STAT1: variants seen among roughly 807,000 people sequenced by gnomAD.
STAT1 encodes the protein signal transducer and activator of transcription 1-alpha/beta.
A neutral mutation model predicts 111.7 loss-of-function variants in STAT1; 24 were observed. That is an observed-to-expected ratio of 0.21 (90% CI 0.16 to 0.30). The LOEUF is 0.30. STAT1 is among the 10% of genes least tolerant of loss of function. The pLI, the probability that STAT1 is intolerant of heterozygous loss-of-function variation, is 1.00. For synonymous variants in STAT1, 332 were observed against 326.5 expected, an observed-to-expected ratio of 1.02 and a Z score of -0.18; for missense variants, 351 against 911.9, an observed-to-expected ratio of 0.38 and a Z score of 7.92.
At position 190,995,361 on chromosome 2, in the gene STAT1, GT is replaced by G; in HGVS notation, c.786-143del. The stretch of plus-strand genomic sequence containing the variant: ...ACTGGAGAATTTATAAAGGAAAGAG[GT>G]TTAATTGACACATAGTTCCACATGG... On this transcript the variant is annotated intron_variant, in intron 9 of 24. Coordinates refer to ENST00000361099, the MANE Select transcript of STAT1 (RefSeq NM_007315.4). This position sits in a 1 kb window ranked among gnomAD's most constrained non-coding sequence, Gnocchi z 4.2. 3.3e-6 allele frequency: 3 copies of G among 909,124 alleles called. No homozygotes were observed. Among genetic ancestry groups the G allele is most frequent in the Non-Finnish European group, 5.3e-6 (3 of 570,626 alleles). 56.3% of individuals were successfully genotyped at this position (909,124 alleles called of 1,614,324 possible). A position where few individuals can be genotyped will look rare whatever the true frequency, so the allele number is the denominator to read the frequency against.
At position 191,009,962 on chromosome 2, in the gene STAT1, G is replaced by A; in HGVS notation, c.42C>T (p.Phe14=). 2 of 1,613,968 alleles carry A rather than the reference G, an allele frequency of 1.2e-6. No individual in the cohort carries two copies. The highest frequency in any genetic ancestry group is 1.3e-5 in the African/African-American group (1 of 75,018). Residue 14 remains phenylalanine (F), a synonymous_variant, in exon 3 of 25, where the codon TTC becomes TTT. Transcript: ENST00000361099. ...CATAAAGCTGGTGAACCTGCTCCAG[G>A]AATTTTGAGTCAAGCTGCTGAAGTT... ...WYELQQLDSK[F]LEQVHQLYDD... is the part of the protein sequence containing the mutation.
rs1692445217 is a variant in STAT1 at position 190,982,203 on chromosome 2, A to G, written c.1582+180T>C. ...GATTCATTTAAATGTTATCAGGTCTATATTTCTTTCTAAGGTGACATATGA... is the reference window on the plus strand; with the variant it reads ...GATTCATTTAAATGTTATCAGGTCTGTATTTCTTTCTAAGGTGACATATGA... On this transcript the variant is annotated intron_variant, in intron 18 of 24. Coordinates refer to ENST00000361099, the MANE Select transcript of STAT1 (RefSeq NM_007315.4). The surrounding 1 kb of genome is among the most constrained non-coding windows in gnomAD (Gnocchi z 7.3). Among the ~76,000 whole-genome samples the G allele has an allele frequency of 6.6e-6, 1 of 152,260 alleles. No individual in the cohort carries two copies. The highest frequency in any genetic ancestry group is 6.5e-5 in the Admixed American group (1 of 15,288).
rs1204509101 is a variant in STAT1 at position 190,984,346 on chromosome 2, G to C, written c.1311C>G (p.Thr437=). ...TEELHSLSFE[T]QLCQPGLVID... Reference sequence around the variant, plus strand: ...TTACCAAACCAGGCTGGCACAATTGGGTTTCAAAACTAAGGGAGTGAAGCT... The same window carrying C: ...TTACCAAACCAGGCTGGCACAATTGCGTTTCAAAACTAAGGGAGTGAAGCT... The change falls in exon 16 of 25, where the codon ACC becomes ACG. Residue 437 remains threonine, a synonymous_variant. Coordinates refer to ENST00000361099, the MANE Select transcript of STAT1 (RefSeq NM_007315.4). This position sits in a 1 kb window ranked among gnomAD's most constrained non-coding sequence, Gnocchi z 5.2. The C allele has an allele frequency of 6.2e-7, 1 of 1,614,082 alleles. No homozygotes were observed. Among genetic ancestry groups the C allele is most frequent in the Admixed American group, 1.7e-5 (1 of 60,018 alleles).
intron 2 of STAT1, among the ~76,000 whole-genome samples, 189 bp downstream of exon 2, chr2:191,013,336 C>T (rs191045675): frequency 6.6e-6 from 1 of 152,294 alleles, no homozygotes; most frequent in Non-Finnish European, 1.5e-5. Flanking sequence ...ATACCTACCA[C>T]AGAACTCTTC....
rs149180337 is a variant in STAT1, at chr2:190,971,965, G to A, written c.2239-1248C>T. Among the ~76,000 whole-genome samples the A allele has an allele frequency of 2.1e-3, 324 of 152,164 alleles. 4 individuals are homozygous for A. Among genetic ancestry groups the A allele is most frequent in the African/African-American group, 7.0e-3 (290 of 41,526 alleles). On this transcript the variant is annotated intron_variant, in intron 24 of 24. Coordinates refer to ENST00000361099, the MANE Select transcript of STAT1 (RefSeq NM_007315.4). This position sits in a 1 kb window ranked among gnomAD's most constrained non-coding sequence, Gnocchi z 4.1. ...TGATCGCAGGTGATCCACCTGCCCC[G>A]GCCTCCCAAAATGTTGAGATTACAG...
At position 190,994,597 on chromosome 2, in the gene STAT1, AC is replaced by A. The variant is rs1028885325; in HGVS notation, c.944+463del. 2.4e-4 allele frequency among the ~76,000 whole-genome samples: 37 copies of A among 152,246 alleles called. 1 individual carries two copies. The highest frequency in any genetic ancestry group is 8.7e-4 in the African/African-American group (36 of 41,562). On this transcript the variant is annotated intron_variant, in intron 10 of 24. Coordinates refer to ENST00000361099, the MANE Select transcript of STAT1 (RefSeq NM_007315.4). ...ACAAGAGTGAAGAACCACTGGTATA[AC>A]CAAATAATTCAGGAAGAGTCATTGT...
intron 24 of STAT1, among the ~76,000 whole-genome samples, chr2:190,972,733 CTT>C (rs576414210): frequency 3.2e-5 from 4 of 126,382 alleles, no homozygotes; most frequent in African/African-American, 3.0e-5. Flanking sequence ...CTTTTCTTTT[CTT>C]TTTTTTTTTT....
chr2:190,970,511 CA>C lies in STAT1; in HGVS notation c.*191del, dbSNP rs1180667225. On this transcript the variant is annotated 3_prime_UTR_variant, in exon 25 of 25. Coordinates refer to ENST00000361099, the MANE Select transcript of STAT1 (RefSeq NM_007315.4). This position sits in a 1 kb window ranked among gnomAD's most constrained non-coding sequence, Gnocchi z 5.4. ...TTTCAATTTTACCTTCAGTAAGATG[CA>C]TGATGCCCTTCAGAGTAACTGATGT... The C allele has an allele frequency of 1.5e-6, 1 of 675,124 alleles. No homozygotes were observed. The highest frequency in any genetic ancestry group is 2.7e-6 in the Non-Finnish European group (1 of 374,062). The allele number at this position is 675,124 out of a possible 1,614,324, so 41.8% of individuals were successfully genotyped here. A position where few individuals can be genotyped will look rare whatever the true frequency, so the allele number is the denominator to read the frequency against.
chr2:190,982,521 A>G lies in STAT1; in HGVS notation c.1447-3T>C, dbSNP rs1439082454. ...GGAGTCAGGAAGAAGGACAGATTCT[A>G]GAGAGAAAACACCCAAAATCTAAGG... On this transcript the variant is annotated splice_region_variant and splice_polypyrimidine_tract_variant and intron_variant, in intron 17 of 24. Transcript: ENST00000361099. This position sits in a 1 kb window ranked among gnomAD's most constrained non-coding sequence, Gnocchi z 7.3. The G allele has an allele frequency of 1.9e-6, 3 of 1,614,086 alleles. No homozygotes were observed. Among genetic ancestry groups the G allele is most frequent in the Admixed American group, 1.7e-5 (1 of 60,014 alleles).
At position 190,971,203 on chromosome 2, in the gene STAT1, T is replaced by C. The variant is rs2124978710; in HGVS notation, c.2239-486A>G. ...AGAACCCCTTCACCTTCCCCACCAG[T>C]GCCTTCTGCCCAGCTGCCTTGACCA... On this transcript the variant is annotated intron_variant, in intron 24 of 24. Coordinates refer to ENST00000361099, the MANE Select transcript of STAT1 (RefSeq NM_007315.4). This position sits in a 1 kb window ranked among gnomAD's most constrained non-coding sequence, Gnocchi z 4.1. Among the ~76,000 whole-genome samples the C allele has an allele frequency of 6.6e-6, 1 of 152,298 alleles. No homozygotes were observed. The highest frequency in any genetic ancestry group is 1.9e-4 in the East Asian group (1 of 5,184).
chr2:191,000,346 A>G lies in STAT1; in HGVS notation c.463-642T>C, dbSNP rs976059731. Among the ~76,000 whole-genome samples the G allele has an allele frequency of 2.0e-5, 3 of 152,228 alleles. No homozygotes were observed. The highest frequency in any genetic ancestry group is 1.3e-4 in the Admixed American group (2 of 15,288). ...TGAAATGTTTCCCTAGGAGACCGCAAGATGAAGTTGCTCCAAAGAATGTGG... is the reference window on the plus strand; with the variant it reads ...TGAAATGTTTCCCTAGGAGACCGCAGGATGAAGTTGCTCCAAAGAATGTGG... On this transcript the variant is annotated intron_variant, in intron 6 of 24. Coordinates refer to ENST00000361099, the MANE Select transcript of STAT1 (RefSeq NM_007315.4). This position sits in a 1 kb window ranked among gnomAD's most constrained non-coding sequence, Gnocchi z 4.8.
rs1485655169 is a variant in STAT1 at position 191,012,678 on chromosome 2, T to C, written c.-2+847A>G. ...TCTCCTGTGCAAAAATCCTATGATC[T>C]GTCCATTCCTAGGCAGATTTCCACC... is the stretch of plus-strand genomic sequence containing the variant. On this transcript the variant is annotated intron_variant, in intron 2 of 24. Coordinates refer to ENST00000361099, the MANE Select transcript of STAT1 (RefSeq NM_007315.4). This position sits in a 1 kb window ranked among gnomAD's most constrained non-coding sequence, Gnocchi z 4.0. Among the ~76,000 whole-genome samples the C allele has an allele frequency of 2.0e-5, 3 of 152,184 alleles. No homozygotes were observed. Among genetic ancestry groups the C allele is most frequent in the African/African-American group, 7.2e-5 (3 of 41,442 alleles).
At position 191,012,090 on chromosome 2, in the gene STAT1, A is replaced by G. The variant is rs1015143276; in HGVS notation, c.-2+1435T>C. The stretch of plus-strand genomic sequence containing the variant: ...AGGCTGGTTGAGCTAGTACATATGT[A>G]GCACCTGGCACAGAAGAGGTGAATT... On this transcript the variant is annotated intron_variant, in intron 2 of 24. Transcript: ENST00000361099. This position sits in a 1 kb window ranked among gnomAD's most constrained non-coding sequence, Gnocchi z 4.0. Among the ~76,000 whole-genome samples the G allele has an allele frequency of 2.6e-5, 4 of 151,586 alleles. No homozygotes were observed. The highest frequency in any genetic ancestry group is 9.7e-5 in the African/African-American group (4 of 41,404).
At position 191,000,097 on chromosome 2, in the gene STAT1, T is replaced by C. The variant is rs1424619021; in HGVS notation, c.463-393A>G. Among the ~76,000 whole-genome samples the C allele has an allele frequency of 6.6e-6, 1 of 152,224 alleles. No individual in the cohort carries two copies. The highest frequency in any genetic ancestry group is 1.5e-5 in the Non-Finnish European group (1 of 68,046). On this transcript the variant is annotated intron_variant, in intron 6 of 24. Coordinates refer to ENST00000361099, the MANE Select transcript of STAT1 (RefSeq NM_007315.4). The surrounding 1 kb of genome is among the most constrained non-coding windows in gnomAD (Gnocchi z 4.8). ...CCTCATTCCTTCCAAGTAAGAAAAG[T>C]GACCATACATCCCTGCTTTACCGGG...
rs1299134843 is a variant in STAT1, at chr2:190,997,017, C to T, written c.785+839G>A. ...CTCAGCAGTACAGCTGCGTACATCC[C>T]CCATTCCCAGCATGGTGCTGAGAAC... On this transcript the variant is annotated intron_variant, in intron 9 of 24. Transcript: ENST00000361099. The surrounding 1 kb of genome is among the most constrained non-coding windows in gnomAD (Gnocchi z 7.3). 6.6e-6 allele frequency among the ~76,000 whole-genome samples: 1 copy of T among 152,226 alleles called. No individual in the cohort carries two copies. Among genetic ancestry groups the T allele is most frequent in the Non-Finnish European group, 1.5e-5 (1 of 68,038 alleles).
In STAT1 at chr2:190,977,472, TA is replaced by T; in HGVS notation, c.1874-448del. ...TTTTATTAAAATAAATTATGATATA[TA>T]GAAAACAACATTTCAAATTAAAAAT... On this transcript the variant is annotated intron_variant, in intron 21 of 24. Coordinates refer to ENST00000361099, the MANE Select transcript of STAT1 (RefSeq NM_007315.4). The surrounding 1 kb of genome is among the most constrained non-coding windows in gnomAD (Gnocchi z 4.7). Among the ~76,000 whole-genome samples the T allele has an allele frequency of 6.6e-6, 1 of 152,224 alleles. No individual in the cohort carries two copies. The highest frequency in any genetic ancestry group is 2.1e-4 in the South Asian group (1 of 4,834).
rs1054725521 is a variant in STAT1, at chr2:190,977,037, A to G, written c.1874-12T>C. Reference sequence around the variant, plus strand: ...ATGGAAGTCAGGTTCTAAAAAGGAGAAAAGCTAAGTAAATCCCATAGAACA... The same window carrying G: ...ATGGAAGTCAGGTTCTAAAAAGGAGGAAAGCTAAGTAAATCCCATAGAACA... On this transcript the variant is annotated splice_polypyrimidine_tract_variant and intron_variant, in intron 21 of 24. Transcript: ENST00000361099. The surrounding 1 kb of genome is among the most constrained non-coding windows in gnomAD (Gnocchi z 4.7). 3 of 1,613,768 alleles carry G rather than the reference A, an allele frequency of 1.9e-6. No homozygotes were observed. In the African/African-American group the frequency reaches 4.0e-5, roughly 22 times the overall value.
chr2:191,009,231 T>C (rs1694944541), intron 3 of STAT1, 124 bp from the exon 4 acceptor site: 1 of 1,243,334 alleles, frequency 8.0e-7, no homozygotes, highest in Non-Finnish European at 1.1e-6. Flanking sequence ...TTAGGTTTAT[T>C]TTCTTCTTTT....
Position 190,970,632 on chromosome 2 carries a change from A to G in STAT1, c.*71T>C, listed in dbSNP as rs1444165759. 2.0e-6 allele frequency: 3 copies of G among 1,522,816 alleles called. No individual in the cohort carries two copies. Among genetic ancestry groups the G allele is most frequent in the African/African-American group, 2.7e-5 (2 of 73,038 alleles). The allele number at this position is 1,522,816 out of a possible 1,614,324, so 94.3% of individuals were successfully genotyped here. On this transcript the variant is annotated 3_prime_UTR_variant, in exon 25 of 25. Coordinates refer to ENST00000361099, the MANE Select transcript of STAT1 (RefSeq NM_007315.4). The surrounding 1 kb of genome is among the most constrained non-coding windows in gnomAD (Gnocchi z 5.4). ...CCCTAGAAACACAGGATGTGAAGGA[A>G]CAGAGTAGCAGGAGGGAATCACAGA...
Sources: gnomAD v4.1 joint callset for allele counts (sites outside exome capture counted in the v4.1 genomes callset) on GRCh38, gnomAD v4.1.1 for gene constraint, Gnocchi (gnomAD v3.1) non-coding constraint, MANE v1.5 for transcripts, NCBI Gene and HGNC (gene_info 2026-07-23, HGNC 2026-07-21) for gene names.